GFRA2: variants seen among roughly 807,000 people sequenced by gnomAD.
The protein encoded by GFRA2 is GDNF family receptor alpha-2.
In GFRA2, 17 loss-of-function variants were observed where a neutral mutation model predicts 48.3. That is an observed-to-expected ratio of 0.35 (90% CI 0.24 to 0.53). GFRA2 has a LOEUF of 0.53. Ranked by LOEUF, GFRA2 falls within the 20% of genes least tolerant of loss-of-function variation. The pLI is 0.93. For synonymous variants in GFRA2, 305 were observed against 257.2 expected, an observed-to-expected ratio of 1.19 and a Z score of -1.78; for missense variants, 660 against 637.3, an observed-to-expected ratio of 1.04 and a Z score of -0.38.
intron 2 of GFRA2, 28 bp from the exon 3 acceptor site, chr8:21,775,083 G>T (rs200715045): frequency 1.8e-6 from 2 of 1,141,866 alleles, no homozygotes; most frequent in South Asian, 1.2e-5. Context: ...CATCAGATGC[G>T]GGCTCCTCCG....
chr8:21,783,052 C>A lies in GFRA2; in HGVS notation c.41-153G>T. The stretch of plus-strand genomic sequence containing the variant: ...CTCTGTGGGACAGCCCTCCTCATAC[C>A]CCAGGGAGAACTCAGGCATCATCCT... On this transcript the variant is annotated intron_variant, in intron 1 of 8. Transcript: ENST00000524240. The A allele has an allele frequency of 6.6e-6, 5 of 752,198 alleles. No homozygotes were observed. The Admixed American group carries it at 8.0e-5, about 12-fold the overall frequency. 46.6% of individuals were successfully genotyped at this position (752,198 alleles called of 1,614,324 possible). A position where few individuals can be genotyped will look rare whatever the true frequency, so the allele number is the denominator to read the frequency against.
At chr8:21,787,983 G>C in intron 1 of GFRA2, 137 bp downstream of exon 1, 1 of 464,754 alleles carries the variant, frequency 2.2e-6, no homozygotes. Flanking sequence ...CGCTCGGTTC[G>C]CCAGCACCGG....
intron 4 of GFRA2, among the ~76,000 whole-genome samples, chr8:21,717,126 C>G (rs1803374793): frequency 6.6e-6 from 1 of 152,232 alleles, no homozygotes; most frequent in Admixed American, 6.5e-5. Context: ...AATTCTTTCT[C>G]CCAAGTTATA....
intron 2 of GFRA2, among the ~76,000 whole-genome samples, chr8:21,781,562 G>C (rs1368563512): frequency 6.6e-6 from 1 of 152,066 alleles, no homozygotes; most frequent in East Asian, 1.9e-4. Context: ...CAAAGACGTG[G>C]ATGCCCCCTC....
At chr8:21,754,500 T>C (rs532686072) in intron 3 of GFRA2, among the ~76,000 whole-genome samples, 1 of 142,568 alleles carries the variant, frequency 7.0e-6, no homozygotes, top group East Asian at 2.1e-4. Flanking sequence ...ATGGTCTTTT[T>C]TTTTCTTTTT....
At chr8:21,712,037 T>A (rs1369691702) in intron 4 of GFRA2, among the ~76,000 whole-genome samples, 3 of 152,188 alleles carry the variant, frequency 2.0e-5, no homozygotes, top group Non-Finnish European at 4.4e-5. Flanking sequence ...GAAGAAGAAT[T>A]TTTCTTAGTA....
At position 21,693,002 on chromosome 8, in the gene GFRA2, A is replaced by C. The variant is rs919878407; in HGVS notation, c.*276T>G. 3.7e-6 allele frequency: 1 copy of C among 269,400 alleles called. No individual in the cohort carries two copies. The highest frequency in any genetic ancestry group is 7.0e-6 in the Non-Finnish European group (1 of 141,894). 16.7% of individuals were successfully genotyped at this position (269,400 alleles called of 1,614,324 possible). A position where few individuals can be genotyped will look rare whatever the true frequency, so the allele number is the denominator to read the frequency against. ...GAGAGAAAAACACCAGGAGAAAGTGAAGGGCATTTCTAGAGCCTCGTGCCC... is the reference window on the plus strand; with the variant it reads ...GAGAGAAAAACACCAGGAGAAAGTGCAGGGCATTTCTAGAGCCTCGTGCCC... On this transcript the variant is annotated 3_prime_UTR_variant, in exon 9 of 9. Coordinates refer to ENST00000524240, the MANE Select transcript of GFRA2 (RefSeq NM_001495.5).
At position 21,693,242 on chromosome 8, in the gene GFRA2, T is replaced by C; in HGVS notation, c.*36A>G. 1.0e-5 allele frequency: 16 copies of C among 1,591,668 alleles called. No homozygotes were observed. Among genetic ancestry groups the C allele is most frequent in the Non-Finnish European group, 1.4e-5 (16 of 1,165,396 alleles). ...CGTCAGGCGGCTGTTCTTGTCTGCGTAGCTTTCAAAAATATTCTGACTCGG... is the reference window on the plus strand; with the variant it reads ...CGTCAGGCGGCTGTTCTTGTCTGCGCAGCTTTCAAAAATATTCTGACTCGG... On this transcript the variant is annotated 3_prime_UTR_variant, in exon 9 of 9. Transcript: ENST00000524240.
At chr8:21,748,968 G>A (rs537274461) in intron 4 of GFRA2, among the ~76,000 whole-genome samples, 69 of 152,174 alleles carry the variant, frequency 4.5e-4, no homozygotes, top group Middle Eastern at 3.4e-3. Flanking sequence ...CAAGGCTCAG[G>A]TCAAGGCCCC....
chr8:21,719,874 C>T (rs1803512148), intron 4 of GFRA2, among the ~76,000 whole-genome samples: 1 of 151,670 alleles, frequency 6.6e-6, no homozygotes, highest in Non-Finnish European at 1.5e-5. Context: ...AAATGCTCTT[C>T]CTAGACCAGT....
At chr8:21,728,248 C>T (rs1803983222) in intron 4 of GFRA2, among the ~76,000 whole-genome samples, 3 of 145,764 alleles carry the variant, frequency 2.1e-5, no homozygotes. Flanking sequence ...TCTGTTTCCA[C>T]AGACTCCGGG....
At chr8:21,715,957 T>C (rs907136648) in intron 4 of GFRA2, among the ~76,000 whole-genome samples, 1 of 152,310 alleles carries the variant, frequency 6.6e-6, no homozygotes, top group South Asian at 2.1e-4. Flanking sequence ...CTGCCCTTCC[T>C]ATATTTTATT....
intron 2 of GFRA2, among the ~76,000 whole-genome samples, chr8:21,778,721 C>T (rs1180519876): frequency 6.6e-6 from 1 of 151,974 alleles, no homozygotes; most frequent in Non-Finnish European, 1.5e-5. Flanking sequence ...CAAGACCCCA[C>T]CTCCATAAAA....
At chr8:21,755,101 G>A (rs1269535852) in intron 3 of GFRA2, among the ~76,000 whole-genome samples, 1 of 152,112 alleles carries the variant, frequency 6.6e-6, no homozygotes, top group South Asian at 2.1e-4. Flanking sequence ...AGCATTTTTA[G>A]GGCAATGAAA....
At chr8:21,806,697 G>A (rs543984518) in intron 1 of GFRA2, among the ~76,000 whole-genome samples, 50 of 152,188 alleles carry the variant, frequency 3.3e-4, no homozygotes, top group African/African-American at 1.2e-3. Flanking sequence ...GAACTCCTCC[G>A]TTCAAGTGAT....
intron 4 of GFRA2, among the ~76,000 whole-genome samples, chr8:21,722,645 G>C (rs1803657659): frequency 6.6e-6 from 1 of 152,050 alleles, no homozygotes. Context: ...CCATACGAAG[G>C]CCCTGCCACT....
intron 2 of GFRA2, among the ~76,000 whole-genome samples, chr8:21,796,703 C>T (rs1807682841): frequency 6.6e-6 from 1 of 152,242 alleles, no homozygotes; most frequent in South Asian, 2.1e-4. Flanking sequence ...CTCTCCTTCC[C>T]CCCACTGTCC....
At position 21,732,469 on chromosome 8, in the gene GFRA2, T is replaced by A. The variant is rs539827856; in HGVS notation, c.794+18119A>T. On this transcript the variant is annotated intron_variant, in intron 4 of 8. Transcript: ENST00000524240. Reference sequence around the variant, plus strand: ...AGTCTGCGGAGAGGGGAGGGGGGTATCTCTCTGGGCAAATCCAGGGTCTTT... The same window carrying A: ...AGTCTGCGGAGAGGGGAGGGGGGTAACTCTCTGGGCAAATCCAGGGTCTTT... Among the ~76,000 whole-genome samples the A allele has an allele frequency of 2.0e-5, 3 of 152,140 alleles. No homozygotes were observed. The South Asian group carries it at 6.2e-4, about 32-fold the overall frequency.
intron 4 of GFRA2, among the ~76,000 whole-genome samples, chr8:21,730,627 C>T (rs547329914): frequency 2.0e-4 from 30 of 152,302 alleles, no homozygotes; most frequent in African/African-American, 6.7e-4. Flanking sequence ...CTCTGTATCT[C>T]TCACACATAC....
Sources: gnomAD v4.1 joint callset for allele counts (sites outside exome capture counted in the v4.1 genomes callset) on GRCh38, gnomAD v4.1.1 for gene constraint, MANE v1.5 for transcripts, NCBI Gene and HGNC (gene_info 2026-07-23, HGNC 2026-07-21) for gene names.